TRIM14: variants seen among roughly 807,000 people sequenced by gnomAD.
TRIM14 encodes tripartite motif containing 14, also known as tripartite motif-containing protein 14.
TRIM14 carries 28 observed loss-of-function variants against 44.5 expected under a neutral mutation model. The ratio of observed to expected loss-of-function variants is 0.63; its 90% CI spans 0.47 to 0.86. The LOEUF is 0.86. Ranked by LOEUF, TRIM14 falls within the 40% of genes least tolerant of loss-of-function variation. The probability of loss-of-function intolerance (pLI) is 0.00; values close to 1 mark genes in which losing one functional copy is unlikely to be tolerated. For synonymous variants in TRIM14, 299 were observed against 269.2 expected, an observed-to-expected ratio of 1.11 and a Z score of -1.08; for missense variants, 607 against 611.1, an observed-to-expected ratio of 0.99 and a Z score of 0.07.
At chr9:98,110,135 T>C (rs1356656636) in intron 1 of TRIM14, 151 bp from the exon 2 acceptor site, 4 of 632,522 alleles carry the variant, frequency 6.3e-6, no homozygotes, top group South Asian at 1.8e-5. Context: ...TATGGCAAGT[T>C]GGTGGATGAG....
the TRIM14 span, among the ~76,000 whole-genome samples, chr9:98,056,174 C>T: frequency 2.0e-5 from 3 of 152,148 alleles, no homozygotes; most frequent in South Asian, 2.1e-4. Context: ...TAGGAACCTC[C>T]GCCACTTCTT....
At position 98,099,539 on chromosome 9, in the gene TRIM14, A is replaced by C. The variant is rs141088335; in HGVS notation, c.537+392T>G. ...TTTAGAGTCAGACAGACCTAGACAG[A>C]CAGCCAGACCTGATACCAGCTCTGC... On this transcript the variant is annotated intron_variant, in intron 3 of 5. Coordinates refer to ENST00000341469, the MANE Select transcript of TRIM14 (RefSeq NM_014788.4). Among the ~76,000 whole-genome samples the C allele has an allele frequency of 7.8e-3, 1,188 of 151,814 alleles. 12 individuals are homozygous for C. The highest frequency in any genetic ancestry group is 0.027 in the African/African-American group (1,118 of 41,342).
Position 98,095,045 on chromosome 9 carries a change from G to GGGGTGA in TRIM14, c.538-22_538-17dup. The GGGGTGA allele has an allele frequency of 6.2e-7, 1 of 1,608,410 alleles. No individual in the cohort carries two copies. Among genetic ancestry groups the GGGGTGA allele is most frequent in the Non-Finnish European group, 8.5e-7 (1 of 1,177,904 alleles). ...CCGTGTATGCCTGTGTGGGCACACG[G>GGGGTGA]GGGTGAGGGTGGCTCTGGGAGATGC... On this transcript the variant is annotated splice_polypyrimidine_tract_variant and intron_variant, in intron 3 of 5. Coordinates refer to ENST00000341469, the MANE Select transcript of TRIM14 (RefSeq NM_014788.4). This position sits in a 1 kb window ranked among gnomAD's most constrained non-coding sequence, Gnocchi z 4.1.
chr9:98,118,890 G>A, intron 1 of TRIM14, 92 bp downstream of exon 1: 5 of 1,351,502 alleles, frequency 3.7e-6, no homozygotes, highest in Non-Finnish European at 4.8e-6. Flanking sequence ...ACCCGCCACT[G>A]GCCACGGCCA....
intron 4 of TRIM14, among the ~76,000 whole-genome samples, chr9:98,092,311 C>CCTCAGGAAGGTCTGAGTG (rs1826024080): frequency 1.3e-5 from 2 of 152,190 alleles, no homozygotes; most frequent in South Asian, 4.1e-4. Context: ...AGAGCTGAGT[C>CCTCAGGAAGGTCTGAGTG]CTCAGGAAGG....
chr9:98,088,300 GGT>G (rs976883581), intron 5 of TRIM14, among the ~76,000 whole-genome samples: 26 of 152,120 alleles, frequency 1.7e-4, no homozygotes, highest in Middle Eastern at 6.8e-3. Context: ...TTAACATTAG[GGT>G]GTGTGTACTT....
chr9:98,098,447 C>T (rs1034865180), intron 3 of TRIM14, among the ~76,000 whole-genome samples: 2 of 152,042 alleles, frequency 1.3e-5, no homozygotes, highest in Non-Finnish European at 2.9e-5. Flanking sequence ...TGCGGTGGCT[C>T]ACGCCTGTAA....
intron 5 of TRIM14, among the ~76,000 whole-genome samples, chr9:98,088,389 C>T (rs778135115): frequency 6.6e-6 from 1 of 151,932 alleles, no homozygotes; most frequent in East Asian, 1.9e-4. Context: ...GAGTCTCGCT[C>T]TGTTGCCCAG....
chr9:98,107,758 C>T (rs1374574392), intron 2 of TRIM14, among the ~76,000 whole-genome samples: 1 of 152,010 alleles, frequency 6.6e-6, no homozygotes, highest in African/African-American at 2.4e-5. Flanking sequence ...CCTCCACCTC[C>T]TGGGTTCAAG....
intron 2 of TRIM14, among the ~76,000 whole-genome samples, chr9:98,102,328 T>C (rs1826430033): frequency 6.6e-6 from 1 of 152,232 alleles, no homozygotes; most frequent in Non-Finnish European, 1.5e-5. Flanking sequence ...TCTAAATAAA[T>C]CTGCCTTTCT....
chr9:98,064,052 C>T, the TRIM14 span, among the ~76,000 whole-genome samples: 2 of 152,096 alleles, frequency 1.3e-5, no homozygotes, highest in African/African-American at 2.4e-5. Flanking sequence ...ACATGTGTGT[C>T]GACTGAGTTG....
At chr9:98,098,882 G>A (rs892211088) in intron 3 of TRIM14, among the ~76,000 whole-genome samples, 1 of 151,892 alleles carries the variant, frequency 6.6e-6, no homozygotes, top group African/African-American at 2.4e-5. Context: ...TTGCCTCCCC[G>A]ATTCAAGTGA....
the TRIM14 span, among the ~76,000 whole-genome samples, chr9:98,061,804 A>AATC: frequency 6.6e-6 from 1 of 151,476 alleles, no homozygotes; most frequent in Admixed American, 6.6e-5. Context: ...TAATAATAAT[A>AATC]ATAATAGTAA....
At chr9:98,111,515 A>C (rs1185779262) in intron 1 of TRIM14, among the ~76,000 whole-genome samples, 1 of 152,226 alleles carries the variant, frequency 6.6e-6, no homozygotes, top group East Asian at 1.9e-4. Flanking sequence ...TATAGAAATG[A>C]TTAGCAAAGA....
At chr9:98,044,123 G>GTTAAATTTTTGTTT in the TRIM14 span, among the ~76,000 whole-genome samples, 1 of 151,450 alleles carries the variant, frequency 6.6e-6, no homozygotes, top group African/African-American at 2.4e-5. Context: ...CACCACTGAG[G>GTTAAATTTTTGTTT]TGTTACTGCC....
At chr9:98,079,406 G>A (rs2117993348), downstream of TRIM14, among the ~76,000 whole-genome samples, 1 of 152,076 alleles carries the variant, frequency 6.6e-6, no homozygotes, top group South Asian at 2.1e-4. Flanking sequence ...TTTCCTTTCA[G>A]TATAGTATTT....
intron 1 of TRIM14, among the ~76,000 whole-genome samples, chr9:98,113,647 G>T (rs1471788632): frequency 6.6e-6 from 1 of 152,174 alleles, no homozygotes; most frequent in Non-Finnish European, 1.5e-5. Context: ...GAGCCACTGT[G>T]CCTGGCCTAA....
At chr9:98,110,413 C>T (rs960493876) in intron 1 of TRIM14, among the ~76,000 whole-genome samples, 2 of 152,158 alleles carry the variant, frequency 1.3e-5, no homozygotes, top group African/African-American at 4.8e-5. Flanking sequence ...GAGTCTGTGA[C>T]CCTCTGGCCC....
chr9:98,079,533 C>T (rs1317999253), downstream of TRIM14, among the ~76,000 whole-genome samples: 1 of 152,088 alleles, frequency 6.6e-6, no homozygotes, highest in Non-Finnish European at 1.5e-5. Context: ...CTTTCTGTCC[C>T]TCCCAATCCT....
Sources: allele counts gnomAD v4.1 joint callset (sites outside exome capture counted in the v4.1 genomes callset), GRCh38; gene constraint gnomAD v4.1.1; non-coding constraint Gnocchi (gnomAD v3.1); transcripts MANE v1.5; gene names NCBI Gene and HGNC (gene_info 2026-07-23, HGNC 2026-07-21).